Variants in ATP9B observed in about 807,000 individuals in gnomAD.
The protein encoded by ATP9B is ATPase phospholipid transporting 9B.
Under a neutral mutation model 146.1 loss-of-function variants are expected in ATP9B, and 110 were observed. That is an observed-to-expected ratio of 0.75 (90% confidence interval 0.65 to 0.88). The LOEUF (loss-of-function observed/expected upper bound fraction) is 0.88. ATP9B is among the 40% of genes least tolerant of loss of function. ATP9B has a pLI of 0.00. For missense variants in ATP9B, 1,499 were observed against 1,496.4 expected, an observed-to-expected ratio of 1.00 and a Z score of -0.03; for synonymous variants, 604 against 569.7, an observed-to-expected ratio of 1.06 and a Z score of -0.86.
intron 13 of ATP9B, among the ~76,000 whole-genome samples, chr18:79,278,417 C>G (rs191696025): frequency 6.6e-6 from 1 of 152,262 alleles, no homozygotes; most frequent in Admixed American, 6.5e-5. Flanking sequence ...ATGGGATATT[C>G]TTTGTGTTAG....
At chr18:79,174,069 A>T (rs1183793675) in intron 7 of ATP9B, 1 of 295,548 alleles carries the variant, frequency 3.4e-6, no homozygotes, top group African/African-American at 2.3e-5. Flanking sequence ...TAGAATCATC[A>T]TCATTTTTAA....
In ATP9B at chr18:79,171,884, T is replaced by TTTTTG. The variant is rs1555725033; in HGVS notation, c.779-4926_779-4925insTGTTT. On this transcript the variant is annotated intron_variant, in intron 7 of 29. Coordinates refer to ENST00000426216, the MANE Select transcript of ATP9B (RefSeq NM_198531.5). ...TCATGACCTTCGGAGACTCGTTTTTTTTTGTTTGTTTGTTTGTTTGTTTAG... is the reference window on the plus strand; with the variant it reads ...TCATGACCTTCGGAGACTCGTTTTTTTTTTGTTTGTTTGTTTGTTTGTTTGTTTAG... Among the ~76,000 whole-genome samples the TTTTTG allele has an allele frequency of 3.2e-4, 49 of 150,894 alleles. No individual in the cohort carries two copies. The East Asian group carries it at 6.1e-3, about 19-fold the overall frequency.
At chr18:79,235,847 C>T (rs1467555221) in intron 11 of ATP9B, among the ~76,000 whole-genome samples, 2 of 151,948 alleles carry the variant, frequency 1.3e-5, no homozygotes, top group Non-Finnish European at 2.9e-5. Flanking sequence ...ATTTTTATAT[C>T]GTCTTCTGTT....
At chr18:79,292,874 C>T (rs2096520705) in intron 13 of ATP9B, among the ~76,000 whole-genome samples, 1 of 152,044 alleles carries the variant, frequency 6.6e-6, no homozygotes, top group African/African-American at 2.4e-5. Flanking sequence ...CCTCGTGCCT[C>T]AGCACCCAAA....
chr18:79,325,227 C>T (rs532742425), intron 15 of ATP9B, among the ~76,000 whole-genome samples: 2 of 152,154 alleles, frequency 1.3e-5, no homozygotes, highest in Admixed American at 1.3e-4. Flanking sequence ...CTTCTGCCCT[C>T]TGGGATGCAG....
intron 15 of ATP9B, among the ~76,000 whole-genome samples, chr18:79,308,085 G>A (rs908440413): frequency 2.6e-5 from 4 of 152,056 alleles, no homozygotes; most frequent in Admixed American, 6.6e-5. Context: ...ACAAAAGAGC[G>A]CCATCATCCC....
rs2145212693 is a variant in ATP9B at position 79,258,049 on chromosome 18, C to T, written c.1268+4508C>T. Among the ~76,000 whole-genome samples the T allele has an allele frequency of 1.3e-5, 2 of 152,238 alleles. 1 individual carries two copies. The highest frequency in any genetic ancestry group is 3.9e-4 in the East Asian group (2 of 5,180). The stretch of plus-strand genomic sequence containing the variant: ...GTAAAATAACATAGAAAGATTTGAC[C>T]TTTTACCTTTATCCAGTTGCCAAGA... On this transcript the variant is annotated intron_variant, in intron 12 of 29. Transcript: ENST00000426216.
chr18:79,237,689 TGGG>T lies in ATP9B; in HGVS notation c.1108-15685_1108-15683del, dbSNP rs72074123. 6.8e-3 allele frequency among the ~76,000 whole-genome samples: 969 copies of T among 142,814 alleles called. 12 individuals are homozygous for T. Among genetic ancestry groups the T allele is most frequent in the Middle Eastern group, 0.028 (8 of 286 alleles). The allele number at this position is 142,814 out of a possible 152,430, so 93.7% of individuals were successfully genotyped here. A position where few individuals can be genotyped will look rare whatever the true frequency, so the allele number is the denominator to read the frequency against. ...TCTAAGTATTTGACTTTTTTTTTTT[TGGG>T]GGGGGGTGGGGGAAGACAAGGTCTT... On this transcript the variant is annotated intron_variant, in intron 11 of 29. Transcript: ENST00000426216.
chr18:79,204,763 C>T (rs1293732034), intron 9 of ATP9B, among the ~76,000 whole-genome samples: 1 of 152,150 alleles, frequency 6.6e-6, no homozygotes, highest in Non-Finnish European at 1.5e-5. Context: ...GTCTGCAGGG[C>T]GCCTGCTCCT....
intron 27 of ATP9B, 71 bp from the exon 28 acceptor site, chr18:79,373,827 T>C: frequency 6.5e-7 from 1 of 1,542,086 alleles, no homozygotes; most frequent in Non-Finnish European, 8.9e-7. Context: ...ACGTTGCTGG[T>C]TCAAGGCTGT....
At chr18:79,214,511 G>A (rs4315407) in intron 11 of ATP9B, among the ~76,000 whole-genome samples, 2,432 of 152,186 alleles carry the variant, frequency 0.016, 66 homozygotes, top group African/African-American at 0.056. Context: ...TTTAAAGACC[G>A]CTTGATTATA....
At chr18:79,077,551 T>C (rs751909147) in intron 1 of ATP9B, among the ~76,000 whole-genome samples, 1 of 152,224 alleles carries the variant, frequency 6.6e-6, no homozygotes, top group Non-Finnish European at 1.5e-5. Context: ...GAATGCTTTA[T>C]TACTGCTATT....
At chr18:79,326,072 G>T (rs1371673677) in intron 15 of ATP9B, among the ~76,000 whole-genome samples, 6 of 79,278 alleles carry the variant, frequency 7.6e-5, no homozygotes, top group East Asian at 7.7e-4. Flanking sequence ...ATGGTGTTAG[G>T]GTGTCACCTC....
intron 11 of ATP9B, among the ~76,000 whole-genome samples, chr18:79,238,878 G>T (rs554158198): frequency 6.6e-6 from 1 of 151,526 alleles, no homozygotes; most frequent in African/African-American, 2.4e-5. Flanking sequence ...ATGCAGTGAC[G>T]CAGACGCACT....
chr18:79,232,087 G>C (rs746501696), intron 11 of ATP9B, among the ~76,000 whole-genome samples: 7 of 152,074 alleles, frequency 4.6e-5, no homozygotes, highest in Non-Finnish European at 7.4e-5. Context: ...ATGACCTTCT[G>C]TAAAGAGGGT....
At chr18:79,335,681 T>TGCCCTCCC (rs1388268552) in intron 17 of ATP9B, among the ~76,000 whole-genome samples, 4 of 152,212 alleles carry the variant, frequency 2.6e-5, no homozygotes, top group Non-Finnish European at 5.9e-5. Context: ...CCTGCACTCC[T>TGCCCTCCC]GCCCTCCCCT....
intron 13 of ATP9B, among the ~76,000 whole-genome samples, chr18:79,294,351 C>T (rs926795464): frequency 2.0e-5 from 3 of 152,200 alleles, no homozygotes; most frequent in Non-Finnish European, 2.9e-5. Context: ...TCAGAGGAGG[C>T]GGCCAGACAC....
intron 26 of ATP9B, among the ~76,000 whole-genome samples, chr18:79,366,475 T>G (rs1031492775): frequency 1.3e-4 from 20 of 152,224 alleles, no homozygotes; most frequent in African/African-American, 4.8e-4. Flanking sequence ...ATTTGCTTCT[T>G]ACAGGAATCA....
intron 15 of ATP9B, among the ~76,000 whole-genome samples, chr18:79,327,878 A>G (rs62096813): frequency 7.5e-5 from 1 of 13,298 alleles, no homozygotes; most frequent in Non-Finnish European, 1.3e-4. Flanking sequence ...CTCTCCATGG[A>G]TAGTGTGCTC....
Sources: allele counts gnomAD v4.1 joint callset (sites outside exome capture counted in the v4.1 genomes callset), GRCh38; gene constraint gnomAD v4.1.1; transcripts MANE v1.5; gene names NCBI Gene and HGNC (gene_info 2026-07-23, HGNC 2026-07-21).